ATP6V0E2: variants seen among roughly 807,000 people sequenced by gnomAD.
The protein encoded by ATP6V0E2 is ATPase H+ transporting V0 subunit e2.
In ATP6V0E2, 4 loss-of-function variants were observed where a neutral mutation model predicts 11.5. The observed-to-expected ratio is 0.35, with a 90% CI of 0.17 to 0.80. The LOEUF (loss-of-function observed/expected upper bound fraction) is 0.80. Among genes scored for constraint, ATP6V0E2 ranks in the 30% least tolerant of loss-of-function variants. The pLI is 0.53. For missense variants in ATP6V0E2, 93 were observed against 113.5 expected, an observed-to-expected ratio of 0.82 and a Z score of 0.82; for synonymous variants, 52 against 51.0, an observed-to-expected ratio of 1.02 and a Z score of -0.09.
chr7:149,877,565 T>C (rs1420702068), intron 2 of ATP6V0E2, among the ~76,000 whole-genome samples: 1 of 80,264 alleles, frequency 1.2e-5, no homozygotes, highest in Non-Finnish European at 2.8e-5. Flanking sequence ...TAAACCCACT[T>C]TTTTTTTTTT....
intron 3 of ATP6V0E2, 87 bp downstream of exon 3, chr7:149,878,877 T>TCATGAAAAGAAAAGGTGG (rs1803301050): frequency 1.7e-6 from 1 of 594,110 alleles, no homozygotes; most frequent in African/African-American, 4.6e-5. Context: ...CATATTATTT[T>TCATGAAAAGAAAAGGTGG]GGATGCGGCC....
upstream of ATP6V0E2, chr7:149,873,935 C>G: frequency 1.3e-6 from 2 of 1,534,338 alleles, no homozygotes; most frequent in Non-Finnish European, 1.7e-6. Context: ...GTGCGCGGCC[C>G]GGCCCGGCTG....
Position 149,875,665 on chromosome 7 carries a change from G to A in ATP6V0E2, c.152+20G>A. 3 of 1,611,244 alleles carry A rather than the reference G, an allele frequency of 1.9e-6. No homozygotes were observed. Among genetic ancestry groups the A allele is most frequent in the Non-Finnish European group, 1.7e-6 (2 of 1,178,382 alleles). On this transcript the variant is annotated intron_variant, in intron 2 of 3. Transcript: ENST00000425642. ...CCTCTTGTAAGTACTACTCTCCCCAGCTCAAAGTCAGCCAGTTCCTTTGTC... is the reference window on the plus strand; with the variant it reads ...CCTCTTGTAAGTACTACTCTCCCCAACTCAAAGTCAGCCAGTTCCTTTGTC...
rs1179935554 is a variant in ATP6V0E2 at position 149,874,012 on chromosome 7, C to T, written c.-54C>T. 1 of 1,547,124 alleles carries T rather than the reference C, an allele frequency of 6.5e-7. No individual in the cohort carries two copies. Among genetic ancestry groups the T allele is most frequent in the Admixed American group, 2.0e-5 (1 of 50,926 alleles). On this transcript the variant is annotated 5_prime_UTR_variant, in exon 1 of 4. Coordinates refer to ENST00000425642, the MANE Select transcript of ATP6V0E2 (RefSeq NM_145230.4). ...GCTGCCCGGCTGGGGACCCGCGCAC[C>T]TGCAGCGCCCGCTGCTCGGCCCTGC...
At chr7:149,877,976 A>G (rs6980260) in intron 2 of ATP6V0E2, among the ~76,000 whole-genome samples, 95,890 of 152,170 alleles carry the variant, frequency 0.63, 30,967 homozygotes, top group African/African-American at 0.75. Flanking sequence ...GAGGGAAAAT[A>G]CCGATCCTTC....
Position 149,880,119 on chromosome 7 carries a change from T to TA in ATP6V0E2, c.*806dup, listed in dbSNP as rs1803383987. 6.5e-6 allele frequency: 1 copy of TA among 154,916 alleles called. No homozygotes were observed. The highest frequency in any genetic ancestry group is 2.4e-5 in the African/African-American group (1 of 41,520). 9.6% of individuals were successfully genotyped at this position (154,916 alleles called of 1,614,324 possible). Reference sequence around the variant, plus strand: ...TTTCAGAGCCTCTCATGGCAGCATCTAAGTGACCAGAGCTGGGATGAGAGA... The same window carrying TA: ...TTTCAGAGCCTCTCATGGCAGCATCTAAAGTGACCAGAGCTGGGATGAGAGA... On this transcript the variant is annotated 3_prime_UTR_variant, in exon 4 of 4. Transcript: ENST00000425642.
At chr7:149,879,087 C>T (rs1803308269) in intron 3 of ATP6V0E2, 2 of 1,387,928 alleles carry the variant, frequency 1.4e-6, no homozygotes, top group African/African-American at 1.4e-5. Flanking sequence ...CATCAACTCC[C>T]TTCCTGCCTG....
chr7:149,879,082 A>T, intron 3 of ATP6V0E2: 2 of 1,369,210 alleles, frequency 1.5e-6, no homozygotes, highest in Non-Finnish European at 1.9e-6. Flanking sequence ...CTGAACATCA[A>T]CTCCCTTCCT....
chr7:149,878,133 C>T (rs1348665426), intron 2 of ATP6V0E2, among the ~76,000 whole-genome samples: 4 of 152,192 alleles, frequency 2.6e-5, no homozygotes, highest in African/African-American at 9.6e-5. Flanking sequence ...GCCACCCACA[C>T]GCCCAGCAGT....
In ATP6V0E2 at chr7:149,878,698, C is replaced by G; in HGVS notation, c.173C>G (p.Ala58Gly). Reference protein sequence around the residue: ...CYLFWLIAILAQLNPLFGPQL... With the variant: ...CYLFWLIAILGQLNPLFGPQL... Reference sequence around the variant, plus strand: ...GGCAGCTGGCTCATCGCCATCCTGGCGCAGCTGAACCCCCTGTTCGGGCCC... The same window carrying G: ...GGCAGCTGGCTCATCGCCATCCTGGGGCAGCTGAACCCCCTGTTCGGGCCC... The change falls in exon 3 of 4, where the codon GCG becomes GGG. Residue 58 changes from alanine to glycine, a missense_variant. By Grantham distance (60) the Ala-to-Gly change is moderately conservative. Transcript: ENST00000425642. The G allele has an allele frequency of 6.2e-7, 1 of 1,612,330 alleles. No homozygotes were observed. The highest frequency in any genetic ancestry group is 8.5e-7 in the Non-Finnish European group (1 of 1,179,816).
upstream of ATP6V0E2, chr7:149,873,607 T>G: frequency 7.2e-6 from 2 of 276,162 alleles, no homozygotes; most frequent in Non-Finnish European, 6.8e-6. Flanking sequence ...GGCCGTCAGG[T>G]TCGGGGCGGC....
At chr7:149,877,017 C>A (rs926323564) in intron 2 of ATP6V0E2, among the ~76,000 whole-genome samples, 1 of 152,068 alleles carries the variant, frequency 6.6e-6, no homozygotes, top group Non-Finnish European at 1.5e-5. Context: ...GTCATGGATT[C>A]TTTATTCCTA....
intron 1 of ATP6V0E2, chr7:149,874,520 G>A (rs1175915846): frequency 4.2e-6 from 1 of 238,712 alleles, no homozygotes; most frequent in East Asian, 9.9e-5. Flanking sequence ...GTTTCTTCAT[G>A]GGTAAAATGG....
rs1448731075 is a variant in ATP6V0E2, at chr7:149,880,146, G to A, written c.*831G>A. The A allele has an allele frequency of 6.5e-6, 1 of 153,780 alleles. No individual in the cohort carries two copies. The highest frequency in any genetic ancestry group is 1.4e-5 in the Non-Finnish European group (1 of 69,222). 9.5% of individuals were successfully genotyped at this position (153,780 alleles called of 1,614,324 possible). A position where few individuals can be genotyped will look rare whatever the true frequency, so the allele number is the denominator to read the frequency against. ...AGTGACCAGAGCTGGGATGAGAGAGGGGAAGGGGCAATGTGAGTGGCGCTA... is the reference window on the plus strand; with the variant it reads ...AGTGACCAGAGCTGGGATGAGAGAGAGGAAGGGGCAATGTGAGTGGCGCTA... On this transcript the variant is annotated 3_prime_UTR_variant, in exon 4 of 4. Transcript: ENST00000425642.
chr7:149,876,081 A>G (rs1348857069), intron 2 of ATP6V0E2: 2 of 459,360 alleles, frequency 4.4e-6, no homozygotes, highest in East Asian at 6.9e-5. Flanking sequence ...GCCATCTTAG[A>G]ACCACTAGGT....
intron 1 of ATP6V0E2, chr7:149,875,135 C>T (rs1420616318): frequency 5.4e-6 from 1 of 186,462 alleles, no homozygotes; most frequent in Non-Finnish European, 1.1e-5. Flanking sequence ...TCCCTGTTCT[C>T]TTTGTAACAA....
intron 2 of ATP6V0E2, among the ~76,000 whole-genome samples, chr7:149,876,301 G>A (rs540376900): frequency 2.0e-5 from 3 of 152,266 alleles, no homozygotes; most frequent in South Asian, 4.1e-4. Flanking sequence ...GCTTGAACCC[G>A]GGAGACGGAG....
chr7:149,879,185 A>T, intron 3 of ATP6V0E2, 150 bp from the exon 4 acceptor site: 4 of 1,398,638 alleles, frequency 2.9e-6, no homozygotes, highest in Non-Finnish European at 3.7e-6. Flanking sequence ...CCAAGGCAAG[A>T]CCCTAACCTG....
chr7:149,879,288 A>G (rs1803317930), intron 3 of ATP6V0E2, 47 bp from the exon 4 acceptor site: 15 of 1,443,052 alleles, frequency 1.0e-5, no homozygotes, highest in Non-Finnish European at 1.3e-5. Context: ...GGGGCAGTGG[A>G]GTCTCCACTG....
Sources: gnomAD v4.1 joint callset for allele counts (sites outside exome capture counted in the v4.1 genomes callset) on GRCh38, gnomAD v4.1.1 for gene constraint, MANE v1.5 for transcripts, NCBI Gene and HGNC (gene_info 2026-07-23, HGNC 2026-07-21) for gene names.